The following IGHMBP2 variants were observed in gnomAD, a reference collection of about 807,000 sequenced individuals.
The protein encoded by IGHMBP2 is immunoglobulin mu DNA binding protein 2.
In IGHMBP2, 81 loss-of-function variants were observed where a neutral mutation model predicts 96.0. The observed-to-expected ratio is 0.84, with a 90% CI of 0.71 to 1.01. IGHMBP2 has a LOEUF of 1.01. Ranked by LOEUF, IGHMBP2 falls within the 50% of genes least tolerant of loss-of-function variation. IGHMBP2 has a pLI of 0.00. For missense variants in IGHMBP2, 1,227 were observed against 1,306.3 expected (o/e 0.94, Z 0.94); for synonymous variants, 557 against 548.9 (o/e 1.01, Z -0.21).
chr11:68,939,614 G>T lies in IGHMBP2; in HGVS notation c.2865G>T (p.Gly955=), dbSNP rs1163978243. The stretch of plus-strand genomic sequence containing the variant: ...AAGGGGTCCTCTATGCCGGCAGCGG[G>T]ACCAAGAACGGATCCCTGGACCCAG... ...SREGVLYAGS[G]TKNGSLDPAK... The change falls in exon 15 of 15, where the codon GGG becomes GGT. Residue 955 remains glycine, a synonymous_variant. Coordinates refer to ENST00000255078, the MANE Select transcript of IGHMBP2 (RefSeq NM_002180.3). The T allele has an allele frequency of 6.2e-7, 1 of 1,613,536 alleles. No individual in the cohort carries two copies. Among genetic ancestry groups the T allele is most frequent in the Non-Finnish European group, 8.5e-7 (1 of 1,180,006 alleles).
Position 68,934,580 on chromosome 11 carries a change from C to T in IGHMBP2, c.1632+22C>T, listed in dbSNP as rs949890455. 1.0e-5 allele frequency: 16 copies of T among 1,553,366 alleles called. No homozygotes were observed. The Admixed American group carries it at 2.4e-4, about 23-fold the overall frequency. On this transcript the variant is annotated intron_variant, in intron 11 of 14. Coordinates refer to ENST00000255078, the MANE Select transcript of IGHMBP2 (RefSeq NM_002180.3). ...CCAGGTACGAGGGTTTCCTTTTGTC[C>T]CTCTACAGAGCAGCTGGGGCTCACA...
At chr11:68,904,304 C>T (rs956363842) in intron 1 of IGHMBP2, among the ~76,000 whole-genome samples, 5 of 152,160 alleles carry the variant, frequency 3.3e-5, no homozygotes, top group African/African-American at 1.2e-4. Context: ...CACTCCTGGG[C>T]CCTGGCCCCG....
intron 5 of IGHMBP2, among the ~76,000 whole-genome samples, chr11:68,914,111 A>AT (rs997610268): frequency 7.9e-5 from 12 of 152,274 alleles, no homozygotes; most frequent in Admixed American, 2.6e-4. Flanking sequence ...GATCTTTGAT[A>AT]TTTTTTTGAG....
Position 68,929,358 on chromosome 11 carries a change from G to A in IGHMBP2, c.1235+1G>A. 1 of 1,612,816 alleles carries A rather than the reference G, an allele frequency of 6.2e-7. No individual in the cohort carries two copies. The highest frequency in any genetic ancestry group is 2.2e-5 in the East Asian group (1 of 44,872). On this transcript the variant is annotated splice_donor_variant, in intron 8 of 14. Coordinates refer to ENST00000255078, the MANE Select transcript of IGHMBP2 (RefSeq NM_002180.3). LOFTEE classifies it high-confidence loss of function. ...TGCCCCCCACCACAGTCTCTCACAA[G>A]TAAGACCCCTTTGCCTCACATGCCC... is the stretch of plus-strand genomic sequence containing the variant.
chr11:68,930,369 G>T, intron 8 of IGHMBP2: 8 of 1,289,792 alleles, frequency 6.2e-6, no homozygotes, highest in Non-Finnish European at 8.1e-6. Flanking sequence ...ACCGGAAGAA[G>T]ATGTGCAAGA....
At chr11:68,932,949 T>A in intron 8 of IGHMBP2, 1 of 366,564 alleles carries the variant, frequency 2.7e-6, no homozygotes, top group East Asian at 5.8e-5. Flanking sequence ...CGTCTTCAAA[T>A]CTCTCCCCTC....
intron 1 of IGHMBP2, among the ~76,000 whole-genome samples, 157 bp from the exon 2 acceptor site, chr11:68,905,912 C>T (rs928988662): frequency 3.3e-5 from 5 of 152,086 alleles, no homozygotes; most frequent in East Asian, 1.9e-4. Flanking sequence ...GTAGGAGGAG[C>T]GGGATTGGGA....
Position 68,936,656 on chromosome 11 carries a change from G to A in IGHMBP2, c.2176G>A (p.Val726Met), listed in dbSNP as rs143986510. 1,259 of 1,613,956 alleles carry A rather than the reference G, an allele frequency of 7.8e-4. No homozygotes were observed. The highest frequency in any genetic ancestry group is 9.2e-4 in the Non-Finnish European group (1,090 of 1,179,986). Residue 726 changes from valine (V) to methionine (M), a missense_variant, in exon 13 of 15, where the codon GTG (valine) becomes ATG (methionine). Val to Met is a conservative substitution (Grantham distance 21). Around this residue, in one of 3 missense-constraint regions of IGHMBP2, gnomAD observed 703 missense variants for 770.3 expected, o/e 0.91. Transcript: ENST00000255078. ...AGAGGGAGTGGAGAGCCAAGATGGC[G>A]TGGACCACTTCCGGGCCATGATAGT... ...SPEGVESQDG[V>M]DHFRAMIVEF...
intron 4 of IGHMBP2, among the ~76,000 whole-genome samples, chr11:68,908,933 C>T (rs375630957): frequency 5.3e-5 from 8 of 151,366 alleles, no homozygotes; most frequent in Non-Finnish European, 7.4e-5. Context: ...CTCCGCCTCC[C>T]GGGTTCAAGT....
intron 5 of IGHMBP2, 103 bp from the exon 6 acceptor site, chr11:68,914,720 G>T: frequency 1.7e-6 from 2 of 1,185,984 alleles, no homozygotes; most frequent in South Asian, 2.4e-5. Context: ...GTGTGTACAT[G>T]CCTTGTGCTT....
chr11:68,923,056 C>T (rs73527321), intron 7 of IGHMBP2, among the ~76,000 whole-genome samples: 2,636 of 152,190 alleles, frequency 0.017, 80 homozygotes, highest in African/African-American at 0.059. Context: ...TGGTCTCTTT[C>T]GATGAACTGT....
chr11:68,937,961 A>AT, intron 13 of IGHMBP2: 9 of 585,930 alleles, frequency 1.5e-5, no homozygotes, highest in South Asian at 2.0e-5. Flanking sequence ...CTGCTTTTTA[A>AT]TTTTTTTTAG....
Position 68,940,527 on chromosome 11 carries a change from A to T in IGHMBP2, c.*796A>T, listed in dbSNP as rs2154009421. On this transcript the variant is annotated 3_prime_UTR_variant, in exon 15 of 15. Transcript: ENST00000255078. ...CTTCTATTTAAGAGAACCTCAGATG[A>T]TGTACCTGAGCCTCAGGGTTTTGTT... 6.6e-6 allele frequency: 1 copy of T among 152,244 alleles called. No homozygotes were observed. Among genetic ancestry groups the T allele is most frequent in the Admixed American group, 6.5e-5 (1 of 15,304 alleles). 9.4% of individuals were successfully genotyped at this position (152,244 alleles called of 1,614,324 possible).
intron 10 of IGHMBP2, 169 bp downstream of exon 10, chr11:68,934,082 C>CAAG: frequency 1.5e-6 from 1 of 670,744 alleles, no homozygotes; most frequent in Non-Finnish European, 2.7e-6. Context: ...TCGTTTTCTC[C>CAAG]AGGGTGAGCA....
At position 68,939,602 on chromosome 11, in the gene IGHMBP2, T is replaced by C; in HGVS notation, c.2853T>C (p.Tyr951=). The change falls in exon 15 of 15, where the codon TAT becomes TAC. Residue 951 remains tyrosine (Y), a synonymous_variant. Coordinates refer to ENST00000255078, the MANE Select transcript of IGHMBP2 (RefSeq NM_002180.3). ...RQRISREGVL[Y]AGSGTKNGSL... Reference sequence around the variant, plus strand: ...GAATCAGCCGGGAAGGGGTCCTCTATGCCGGCAGCGGGACCAAGAACGGAT... The same window carrying C: ...GAATCAGCCGGGAAGGGGTCCTCTACGCCGGCAGCGGGACCAAGAACGGAT... The C allele has an allele frequency of 2.5e-6, 4 of 1,613,392 alleles. No homozygotes were observed. Among genetic ancestry groups the C allele is most frequent in the Non-Finnish European group, 3.4e-6 (4 of 1,180,000 alleles).
chr11:68,921,199 A>G (rs1031381990), intron 7 of IGHMBP2, among the ~76,000 whole-genome samples: 15 of 144,044 alleles, frequency 1.0e-4, no homozygotes, highest in Non-Finnish European at 6.1e-5. Context: ...TTTTTTTTAC[A>G]TAAGTTCTCA....
chr11:68,934,829 C>T (rs1336378659), intron 11 of IGHMBP2, among the ~76,000 whole-genome samples: 1 of 152,228 alleles, frequency 6.6e-6, no homozygotes, highest in Admixed American at 6.5e-5. Context: ...ACCCCGGCAG[C>T]CTCAGGCTGA....
At chr11:68,910,899 A>G (rs969810805) in intron 4 of IGHMBP2, among the ~76,000 whole-genome samples, 2 of 147,576 alleles carry the variant, frequency 1.4e-5, no homozygotes, top group Non-Finnish European at 3.0e-5. Flanking sequence ...AAAAAAAAAA[A>G]GAAGCAGATC....
At chr11:68,907,645 GA>G (rs1212856059) in intron 2 of IGHMBP2, among the ~76,000 whole-genome samples, 2 of 152,306 alleles carry the variant, frequency 1.3e-5, no homozygotes, top group Non-Finnish European at 2.9e-5. Context: ...TGGATTTGGA[GA>G]AGATGAGATG....
Sources: allele counts gnomAD v4.1 joint callset (sites outside exome capture counted in the v4.1 genomes callset), GRCh38; gene constraint gnomAD v4.1.1; regional missense constraint gnomAD v4.1.1; transcripts MANE v1.5; gene names NCBI Gene and HGNC (gene_info 2026-07-23, HGNC 2026-07-21).